Variants in ARHGAP15 observed in about 807,000 individuals in gnomAD.
ARHGAP15 encodes Rho GTPase activating protein 15, also known as rho GTPase-activating protein 15.
In ARHGAP15, 51 loss-of-function variants were observed where a neutral mutation model predicts 63.7. The observed-to-expected ratio is 0.80, with a 90% CI of 0.64 to 1.01. The LOEUF (loss-of-function observed/expected upper bound fraction) is 1.01, where lower values mean the gene tolerates loss of function less well. Among genes scored for constraint, ARHGAP15 ranks in the 50% least tolerant of loss-of-function variants. The probability of loss-of-function intolerance (pLI) is 0.00; values close to 1 mark genes in which losing one functional copy is unlikely to be tolerated. For missense variants in ARHGAP15, 560 were observed against 564.6 expected (o/e 0.99, Z 0.08); for synonymous variants, 191 against 193.8 (o/e 0.99, Z 0.12).
chr2:143,610,719 G>GTATT (rs10568746), intron 11 of ARHGAP15, among the ~76,000 whole-genome samples: 12,905 of 150,720 alleles, frequency 0.086, 647 homozygotes, highest in Middle Eastern at 0.11. Context: ...CTTGTTCAGT[G>GTATT]TATTTATTTA....
At chr2:143,627,800 A>G (rs1698895573) in intron 12 of ARHGAP15, among the ~76,000 whole-genome samples, 1 of 151,870 alleles carries the variant, frequency 6.6e-6, no homozygotes, top group African/African-American at 2.4e-5. Flanking sequence ...AGCCAGCTAT[A>G]TTTTGCAGAT....
chr2:143,573,455 TTAA>T (rs1437558439), intron 11 of ARHGAP15, among the ~76,000 whole-genome samples: 1 of 137,508 alleles, frequency 7.3e-6, no homozygotes, highest in Non-Finnish European at 1.7e-5. Flanking sequence ...ACTAAATAAT[TTAA>T]TAATAAAGAA....
intron 10 of ARHGAP15, among the ~76,000 whole-genome samples, chr2:143,530,516 G>A (rs1358134663): frequency 2.0e-5 from 3 of 152,098 alleles, no homozygotes; most frequent in African/African-American, 7.2e-5. Flanking sequence ...CATAAGAATA[G>A]CACTATCCAC....
intron 13 of ARHGAP15, among the ~76,000 whole-genome samples, chr2:143,744,814 A>G (rs1686100350): frequency 6.6e-6 from 1 of 152,222 alleles, no homozygotes. Context: ...TCTTTTCATG[A>G]CTATAAAATC....
At chr2:143,432,901 C>T (rs1251041135) in intron 6 of ARHGAP15, among the ~76,000 whole-genome samples, 1 of 151,916 alleles carries the variant, frequency 6.6e-6, no homozygotes, top group Admixed American at 6.6e-5. Flanking sequence ...TTATCTAAAC[C>T]TGTTATGTTG....
chr2:143,536,966 T>C (rs1694799107), intron 10 of ARHGAP15, among the ~76,000 whole-genome samples: 1 of 152,182 alleles, frequency 6.6e-6, no homozygotes. Context: ...TCCACAATGG[T>C]TGAACTAGTT....
intron 12 of ARHGAP15, among the ~76,000 whole-genome samples, chr2:143,663,976 C>A (rs2105330871): frequency 6.6e-6 from 1 of 151,888 alleles, no homozygotes; most frequent in South Asian, 2.1e-4. Context: ...GACTTTAACA[C>A]CCCACTGTCA....
intron 9 of ARHGAP15, among the ~76,000 whole-genome samples, chr2:143,505,958 G>T (rs955005416): frequency 6.6e-6 from 1 of 152,126 alleles, no homozygotes; most frequent in Non-Finnish European, 1.5e-5. Context: ...AGACCCAAAT[G>T]AAAGAGACTC....
At position 143,416,189 on chromosome 2, in the gene ARHGAP15, C is replaced by T. The variant is rs115013080; in HGVS notation, c.475-19412C>T. Among the ~76,000 whole-genome samples, 222 of 149,764 alleles carry T rather than the reference C, an allele frequency of 1.5e-3. 1 individual carries two copies. The highest frequency in any genetic ancestry group is 2.5e-3 in the Non-Finnish European group (166 of 67,608). On this transcript the variant is annotated intron_variant, in intron 6 of 13. Transcript: ENST00000295095. Reference sequence around the variant, plus strand: ...TTAGTTGCAGCAAACCACCGTGACACATGTTTACCTATGTAACAAACATGC... The same window carrying T: ...TTAGTTGCAGCAAACCACCGTGACATATGTTTACCTATGTAACAAACATGC...
chr2:143,522,783 G>T (rs139757475), intron 10 of ARHGAP15, among the ~76,000 whole-genome samples: 1 of 152,150 alleles, frequency 6.6e-6, no homozygotes, highest in South Asian at 2.1e-4. Flanking sequence ...CTGGGCCATG[G>T]GTTGGGAAAG....
At chr2:143,270,836 T>C (rs1300798184) in intron 6 of ARHGAP15, among the ~76,000 whole-genome samples, 1 of 152,202 alleles carries the variant, frequency 6.6e-6, no homozygotes, top group Non-Finnish European at 1.5e-5. Context: ...GTAACCTCTT[T>C]GGCACTCGTG....
At chr2:143,554,324 A>G (rs1049373118) in intron 10 of ARHGAP15, among the ~76,000 whole-genome samples, 1 of 152,156 alleles carries the variant, frequency 6.6e-6, no homozygotes, top group Non-Finnish European at 1.5e-5. Flanking sequence ...GGTGGCAAGC[A>G]TCAAGGTGAC....
chr2:143,504,918 T>C (rs1422397540), intron 9 of ARHGAP15, among the ~76,000 whole-genome samples: 1 of 152,184 alleles, frequency 6.6e-6, no homozygotes, highest in Non-Finnish European at 1.5e-5. Context: ...TAGTCCACTT[T>C]GTCTTCAAAG....
chr2:143,219,232 C>G (rs1374486750), intron 4 of ARHGAP15, among the ~76,000 whole-genome samples: 2 of 152,160 alleles, frequency 1.3e-5, no homozygotes, highest in African/African-American at 2.4e-5. Flanking sequence ...CACTGTGTTA[C>G]AATTGCCTAC....
chr2:143,487,586 A>G, intron 9 of ARHGAP15, 91 bp downstream of exon 9: 1 of 1,361,178 alleles, frequency 7.3e-7, no homozygotes, highest in Non-Finnish European at 9.8e-7. Context: ...ATATTAGAAT[A>G]TTTTATTCTT....
chr2:143,497,351 C>T (rs1235026740), intron 9 of ARHGAP15, among the ~76,000 whole-genome samples: 1 of 152,188 alleles, frequency 6.6e-6, no homozygotes, highest in East Asian at 1.9e-4. Flanking sequence ...TGGCCCATGG[C>T]TGTTTCAGTC....
chr2:143,182,837 A>G (rs1403167977), intron 2 of ARHGAP15, among the ~76,000 whole-genome samples: 2 of 152,188 alleles, frequency 1.3e-5, no homozygotes, highest in Non-Finnish European at 2.9e-5. Context: ...ACTAAGTAGC[A>G]GGGATACTAA....
At chr2:143,448,935 A>T (rs1319010886) in intron 8 of ARHGAP15, among the ~76,000 whole-genome samples, 2 of 152,016 alleles carry the variant, frequency 1.3e-5, no homozygotes, top group East Asian at 3.9e-4. Context: ...GGCCTTTGGG[A>T]CTTGGACAAA....
At chr2:143,226,843 G>T (rs1219380291) in intron 4 of ARHGAP15, among the ~76,000 whole-genome samples, 2 of 152,058 alleles carry the variant, frequency 1.3e-5, no homozygotes, top group African/African-American at 4.8e-5. Context: ...GAAAGCTCCA[G>T]GCATATAAGA....
Sources: allele counts gnomAD v4.1 joint callset (sites outside exome capture counted in the v4.1 genomes callset), GRCh38; gene constraint gnomAD v4.1.1; transcripts MANE v1.5; gene names NCBI Gene and HGNC (gene_info 2026-07-23, HGNC 2026-07-21).